Variants in GRIP1 observed in about 807,000 individuals in gnomAD.
GRIP1 encodes glutamate receptor interacting protein 1, also known as glutamate receptor-interacting protein 1.
In GRIP1, 45 loss-of-function variants were observed where a neutral mutation model predicts 129.9. The observed-to-expected ratio is 0.35, with a 90% CI of 0.27 to 0.44. The LOEUF (loss-of-function observed/expected upper bound fraction) is 0.44. GRIP1 is among the 20% of genes least tolerant of loss of function. GRIP1 has a pLI of 1.00. For missense variants in GRIP1, 1,196 were observed against 1,396.8 expected (o/e 0.86, Z 2.29); for synonymous variants, 530 against 520.8 (o/e 1.02, Z -0.24).
At chr12:66,645,006 G>A (rs1381366728) in intron 1 of GRIP1, among the ~76,000 whole-genome samples, 1 of 152,116 alleles carries the variant, frequency 6.6e-6, no homozygotes, top group Non-Finnish European at 1.5e-5. Flanking sequence ...TAATAAAAAT[G>A]AGTTATTATT....
At chr12:66,548,063 T>A (rs2062002205) in intron 2 of GRIP1, among the ~76,000 whole-genome samples, 1 of 152,168 alleles carries the variant, frequency 6.6e-6, no homozygotes, top group Non-Finnish European at 1.5e-5. Flanking sequence ...GGCATCAGTA[T>A]TTGAAAAGTT....
At chr12:66,747,244 C>A (rs1467438136) in intron 1 of GRIP1, among the ~76,000 whole-genome samples, 1 of 152,024 alleles carries the variant, frequency 6.6e-6, no homozygotes, top group African/African-American at 2.4e-5. Context: ...AAATTTATAT[C>A]CAGATTCCTT....
chr12:66,378,536 C>G (rs563422910), intron 20 of GRIP1, among the ~76,000 whole-genome samples: 1 of 152,150 alleles, frequency 6.6e-6, no homozygotes, highest in East Asian at 1.9e-4. Flanking sequence ...TCATGAGGGT[C>G]AGGAGTTCGA....
chr12:67,064,424 T>C (rs2043586874), intron 1 of GRIP1, among the ~76,000 whole-genome samples: 2 of 152,350 alleles, frequency 1.3e-5, no homozygotes, highest in South Asian at 4.1e-4. Context: ...GGCAAATTCA[T>C]TAGCTCTCTG....
intron 1 of GRIP1, among the ~76,000 whole-genome samples, chr12:66,863,721 T>G (rs1352797603): frequency 6.6e-6 from 1 of 152,124 alleles, no homozygotes; most frequent in Non-Finnish European, 1.5e-5. Flanking sequence ...TACAGGGCAG[T>G]GTTCCTCATA....
At chr12:66,535,853 A>G (rs1361830572) in intron 4 of GRIP1, among the ~76,000 whole-genome samples, 2 of 152,152 alleles carry the variant, frequency 1.3e-5, no homozygotes, top group African/African-American at 4.8e-5. Flanking sequence ...TCTCAAATGT[A>G]TATTTACAGT....
intron 1 of GRIP1, among the ~76,000 whole-genome samples, chr12:66,893,958 C>A (rs2040703768): frequency 6.6e-6 from 1 of 152,132 alleles, no homozygotes; most frequent in Admixed American, 6.6e-5. Context: ...CTCTATTCCT[C>A]TTCTCCCTGA....
chr12:66,959,579 G>C (rs1299495713), intron 1 of GRIP1, among the ~76,000 whole-genome samples: 2 of 152,060 alleles, frequency 1.3e-5, no homozygotes, highest in Non-Finnish European at 2.9e-5. Context: ...TCTTGCCAGA[G>C]TATTTTTTCA....
intron 1 of GRIP1, among the ~76,000 whole-genome samples, chr12:67,052,834 G>A (rs968876699): frequency 6.6e-6 from 1 of 152,120 alleles, no homozygotes; most frequent in African/African-American, 2.4e-5. Context: ...ACCCTGAAGA[G>A]TAGGTATTAC....
At chr12:67,054,761 TG>T (rs1470455083) in intron 1 of GRIP1, among the ~76,000 whole-genome samples, 2 of 138,678 alleles carry the variant, frequency 1.4e-5, no homozygotes, top group Non-Finnish European at 1.5e-5. Flanking sequence ...AAGACAGTAT[TG>T]AAAAAAAAAA....
intron 1 of GRIP1, among the ~76,000 whole-genome samples, chr12:66,621,932 A>G (rs2065286237): frequency 6.6e-6 from 1 of 151,450 alleles, no homozygotes; most frequent in African/African-American, 2.4e-5. Flanking sequence ...CCCATCTTTG[A>G]GTTAGGTTGT....
At chr12:66,903,770 A>C (rs1291171464) in intron 1 of GRIP1, among the ~76,000 whole-genome samples, 1 of 152,240 alleles carries the variant, frequency 6.6e-6, no homozygotes, top group African/African-American at 2.4e-5. Context: ...GAATATTAAC[A>C]ATAGACAATA....
At chr12:67,043,637 C>T (rs1267459941) in intron 1 of GRIP1, among the ~76,000 whole-genome samples, 1 of 152,138 alleles carries the variant, frequency 6.6e-6, no homozygotes, top group African/African-American at 2.4e-5. Context: ...GGGGCATCAT[C>T]ATCATCTTAT....
At chr12:66,601,780 G>T (rs1360012274) in intron 1 of GRIP1, among the ~76,000 whole-genome samples, 1 of 152,150 alleles carries the variant, frequency 6.6e-6, no homozygotes, top group African/African-American at 2.4e-5. Context: ...AGAAAAGTCT[G>T]GTTTCCATTA....
intron 7 of GRIP1, among the ~76,000 whole-genome samples, chr12:66,476,323 T>C (rs1051557332): frequency 5.9e-5 from 9 of 152,126 alleles, no homozygotes; most frequent in South Asian, 2.1e-4. Context: ...CAGGAAGAAG[T>C]TGAATCTCTT....
intron 13 of GRIP1, among the ~76,000 whole-genome samples, chr12:66,444,310 C>T (rs1298666855): frequency 6.6e-6 from 1 of 151,010 alleles, no homozygotes; most frequent in Non-Finnish European, 1.5e-5. Context: ...CAAGGTGAAA[C>T]CCCGTCTCTA....
intron 7 of GRIP1, among the ~76,000 whole-genome samples, chr12:66,474,157 A>T (rs938729274): frequency 1.1e-4 from 16 of 152,008 alleles, no homozygotes; most frequent in Admixed American, 4.6e-4. Flanking sequence ...TGCAGCTGAA[A>T]AACAGCTTGA....
chr12:67,062,807 T>C (rs1327987189), intron 1 of GRIP1, among the ~76,000 whole-genome samples: 1 of 152,244 alleles, frequency 6.6e-6, no homozygotes, highest in African/African-American at 2.4e-5. Flanking sequence ...TCATGAGAGC[T>C]GGGCTAGAAT....
chr12:66,797,395 T>G (rs1343827624), intron 1 of GRIP1, among the ~76,000 whole-genome samples: 1 of 152,152 alleles, frequency 6.6e-6, no homozygotes, highest in Non-Finnish European at 1.5e-5. Context: ...CTCTACTGAC[T>G]ACACCTGCCA....
Sources: allele counts gnomAD v4.1 joint callset (sites outside exome capture counted in the v4.1 genomes callset), GRCh38; gene constraint gnomAD v4.1.1; transcripts MANE v1.5; gene names NCBI Gene and HGNC (gene_info 2026-07-23, HGNC 2026-07-21).